AUTS2: variants seen among roughly 807,000 people sequenced by gnomAD.
The protein encoded by AUTS2 is autism susceptibility gene 2 protein.
In AUTS2, 17 loss-of-function variants were observed where a neutral mutation model predicts 112.4. The ratio of observed to expected loss-of-function variants is 0.15; its 90% CI spans 0.10 to 0.23. AUTS2 has a LOEUF of 0.23. Among genes scored for constraint, AUTS2 ranks in the 10% least tolerant of loss-of-function variants. The pLI is 1.00. For synonymous variants in AUTS2, 751 were observed against 702.7 expected (o/e 1.07, Z -1.09); for missense variants, 1,510 against 1,701.6 (o/e 0.89, Z 1.98).
chr7:70,052,214 C>T (rs972374378), intron 2 of AUTS2, among the ~76,000 whole-genome samples: 1 of 152,120 alleles, frequency 6.6e-6, no homozygotes, highest in Non-Finnish European at 1.5e-5. Flanking sequence ...AAATCATTGC[C>T]TACTTTCAGT....
intron 1 of AUTS2, among the ~76,000 whole-genome samples, chr7:69,724,593 A>G (rs1786411395): frequency 6.6e-6 from 1 of 152,242 alleles, no homozygotes; most frequent in Non-Finnish European, 1.5e-5. Flanking sequence ...TCAAGGTTAC[A>G]GAATTGGTTA....
intron 4 of AUTS2, among the ~76,000 whole-genome samples, chr7:70,332,502 C>G (rs1428067193): frequency 6.6e-6 from 1 of 152,062 alleles, no homozygotes; most frequent in Non-Finnish European, 1.5e-5. Flanking sequence ...CCTGTATAGC[C>G]AAGACAATCA....
At chr7:69,737,299 T>TAAA (rs1787073817) in intron 1 of AUTS2, among the ~76,000 whole-genome samples, 1 of 152,220 alleles carries the variant, frequency 6.6e-6, no homozygotes, top group Non-Finnish European at 1.5e-5. Flanking sequence ...GCTATTAATG[T>TAAA]ACCAAGTACT....
chr7:70,777,749 A>G (rs1464526659), intron 14 of AUTS2, among the ~76,000 whole-genome samples: 2 of 152,244 alleles, frequency 1.3e-5, no homozygotes, highest in Non-Finnish European at 2.9e-5. Flanking sequence ...TTATTGATCC[A>G]AAGGTCTTGA....
chr7:70,283,608 T>C (rs1788323991), intron 4 of AUTS2, among the ~76,000 whole-genome samples: 1 of 152,196 alleles, frequency 6.6e-6, no homozygotes, highest in African/African-American at 2.4e-5. Context: ...TAAAGTATAC[T>C]TCTATTTGGT....
chr7:70,096,399 C>A (rs1804201198), intron 2 of AUTS2, among the ~76,000 whole-genome samples: 2 of 151,618 alleles, frequency 1.3e-5, no homozygotes, highest in African/African-American at 2.4e-5. Context: ...GAGTTGGAGA[C>A]CAGCCTCGCC....
chr7:70,645,887 A>G (rs1806132334), intron 5 of AUTS2, among the ~76,000 whole-genome samples: 1 of 152,128 alleles, frequency 6.6e-6, no homozygotes, highest in Admixed American at 6.5e-5. Context: ...TTACTAATCA[A>G]ATCATTTCTG....
At chr7:69,845,327 T>C (rs1792148478) in intron 1 of AUTS2, among the ~76,000 whole-genome samples, 1 of 152,168 alleles carries the variant, frequency 6.6e-6, no homozygotes, top group Non-Finnish European at 1.5e-5. Flanking sequence ...ACATTACCAC[T>C]CCGTTATCCC....
chr7:70,649,826 C>T (rs1048639554), intron 5 of AUTS2, among the ~76,000 whole-genome samples: 1 of 152,112 alleles, frequency 6.6e-6, no homozygotes, highest in African/African-American at 2.4e-5. Flanking sequence ...CGCACCCGGC[C>T]CCAGTGGTGA....
At chr7:70,747,639 T>G (rs928155276) in intron 6 of AUTS2, among the ~76,000 whole-genome samples, 2 of 151,612 alleles carry the variant, frequency 1.3e-5, no homozygotes, top group Non-Finnish European at 2.9e-5. Context: ...TTGTTTTGTT[T>G]TTGTTTTTGT....
chr7:70,785,066 C>T, intron 16 of AUTS2, 47 bp downstream of exon 16: 1 of 1,592,478 alleles, frequency 6.3e-7, no homozygotes, highest in Non-Finnish European at 8.6e-7. Flanking sequence ...CTTCAGGCAA[C>T]CCTGCTGTGT....
intron 11 of AUTS2, among the ~76,000 whole-genome samples, chr7:70,773,001 G>T (rs1790451507): frequency 6.6e-6 from 1 of 152,232 alleles, no homozygotes. Context: ...GGGCAAGAAA[G>T]TGTCTCTCCT....
At chr7:69,682,947 C>T (rs1387931493) in intron 1 of AUTS2, among the ~76,000 whole-genome samples, 7 of 152,146 alleles carry the variant, frequency 4.6e-5, no homozygotes, top group Admixed American at 2.6e-4. Context: ...TCTCTGGTCT[C>T]GTGCTGAGAA....
At chr7:70,709,115 C>A (rs1210495185) in intron 6 of AUTS2, among the ~76,000 whole-genome samples, 1 of 151,702 alleles carries the variant, frequency 6.6e-6, no homozygotes, top group Non-Finnish European at 1.5e-5. Context: ...AATGGGGTTT[C>A]ACCATGTTGG....
intron 4 of AUTS2, among the ~76,000 whole-genome samples, chr7:70,249,717 C>T (rs564796298): frequency 4.6e-5 from 7 of 152,078 alleles, no homozygotes; most frequent in Admixed American, 3.3e-4. Context: ...GGATGTTCCA[C>T]TGCAGTTTTC....
chr7:70,062,745 C>T (rs1303673875), intron 2 of AUTS2, among the ~76,000 whole-genome samples: 1 of 152,122 alleles, frequency 6.6e-6, no homozygotes, highest in Non-Finnish European at 1.5e-5. Flanking sequence ...TTAGACTTAC[C>T]TCACCTTACT....
chr7:70,466,455 C>G (rs1797169723), intron 5 of AUTS2, among the ~76,000 whole-genome samples: 1 of 152,146 alleles, frequency 6.6e-6, no homozygotes, highest in Non-Finnish European at 1.5e-5. Flanking sequence ...TTTACCAAAA[C>G]CTAATCTCTG....
chr7:70,310,101 A>G (rs1362592809), intron 4 of AUTS2, among the ~76,000 whole-genome samples: 4 of 151,952 alleles, frequency 2.6e-5, no homozygotes, highest in Non-Finnish European at 1.5e-5. Flanking sequence ...ACTGATTGAA[A>G]TGTGGTAAAG....
At position 70,243,188 on chromosome 7, in the gene AUTS2, T is replaced by C. The variant is rs373697980; in HGVS notation, c.660+108617T>C. On this transcript the variant is annotated intron_variant, in intron 4 of 18. Transcript: ENST00000342771. ...ATTACAGCCTCAAGCCAGGTTTCCATAATCAGTTTTCCTTTAAAAAATAGA... is the reference window on the plus strand; with the variant it reads ...ATTACAGCCTCAAGCCAGGTTTCCACAATCAGTTTTCCTTTAAAAAATAGA... Among the ~76,000 whole-genome samples, 20 of 151,942 alleles carry C rather than the reference T, an allele frequency of 1.3e-4. No homozygotes were observed. In the East Asian group the frequency reaches 3.9e-3, roughly 29 times the overall value.
Sources: gnomAD v4.1 joint callset for allele counts (sites outside exome capture counted in the v4.1 genomes callset) on GRCh38, gnomAD v4.1.1 for gene constraint, MANE v1.5 for transcripts, NCBI Gene and HGNC (gene_info 2026-07-23, HGNC 2026-07-21) for gene names.